Variants in LEKR1 observed in about 807,000 individuals in gnomAD.
LEKR1 encodes protein LEKR1.
Under a neutral mutation model 72.4 loss-of-function variants are expected in LEKR1, and 59 were observed. That is an observed-to-expected ratio of 0.82 (90% CI 0.66 to 1.01). LEKR1 has a LOEUF of 1.01. Among genes scored for constraint, LEKR1 ranks in the 50% least tolerant of loss-of-function variants. LEKR1 has a pLI of 0.00. For synonymous variants in LEKR1, 257 were observed against 263.2 expected, an observed-to-expected ratio of 0.98 and a Z score of 0.23; for missense variants, 728 against 759.2, an observed-to-expected ratio of 0.96 and a Z score of 0.48.
chr3:156,841,835 A>T (rs2108532572), intron 2 of LEKR1, among the ~76,000 whole-genome samples: 1 of 152,272 alleles, frequency 6.6e-6, no homozygotes, highest in African/African-American at 2.4e-5. Flanking sequence ...TGCGTGTGTT[A>T]TTCTATACAG....
chr3:157,024,803 A>C lies in LEKR1; in HGVS notation c.1247A>C (p.Glu416Ala). ...AAGGAAAGGGCCCAACACTTGGTTG[A>C]ATTTGAAGAGCAAGCTCTTCTCTTT... Reference protein sequence around the residue: ...LAKERAQHLVEFEEQALLFKE... With the variant: ...LAKERAQHLVAFEEQALLFKE... Residue 416 changes from glutamate to alanine, a missense_variant, in exon 11 of 13, where the codon GAA becomes GCA. Physicochemically the swap from Glu to Ala is moderately radical, Grantham distance 107 (BLOSUM62 -1). Transcript: ENST00000356539. 2 of 1,611,596 alleles carry C rather than the reference A, an allele frequency of 1.2e-6. No homozygotes were observed. The highest frequency in any genetic ancestry group is 1.7e-6 in the Non-Finnish European group (2 of 1,179,282).
intron 6 of LEKR1, among the ~76,000 whole-genome samples, chr3:156,959,382 G>A (rs1727915898): frequency 6.6e-6 from 1 of 152,032 alleles, no homozygotes. Context: ...TCAATTCTAA[G>A]CATTTGCATT....
intron 2 of LEKR1, among the ~76,000 whole-genome samples, chr3:156,833,033 C>T (rs1166709530): frequency 6.6e-6 from 1 of 152,126 alleles, no homozygotes; most frequent in Non-Finnish European, 1.5e-5. Context: ...GAAATATGCT[C>T]CAAAGTTTGC....
intron 6 of LEKR1, among the ~76,000 whole-genome samples, chr3:156,947,592 T>C (rs114887372): frequency 0.013 from 2,029 of 151,140 alleles, 40 homozygotes; most frequent in African/African-American, 0.046. Flanking sequence ...ATGCATTCAA[T>C]AGAAACCAGA....
At chr3:156,901,008 A>T (rs1721977952) in intron 3 of LEKR1, among the ~76,000 whole-genome samples, 2 of 152,132 alleles carry the variant, frequency 1.3e-5, no homozygotes, top group African/African-American at 4.8e-5. Context: ...AATTTTTTAA[A>T]GAGATGGGAT....
At chr3:156,950,648 T>C (rs1016161156) in intron 6 of LEKR1, among the ~76,000 whole-genome samples, 1 of 151,126 alleles carries the variant, frequency 6.6e-6, no homozygotes, top group African/African-American at 2.4e-5. Flanking sequence ...TGGGATTGTG[T>C]TCCTGATATG....
chr3:156,964,568 T>A lies in LEKR1; in HGVS notation c.746-14626T>A, dbSNP rs529938088. Among the ~76,000 whole-genome samples the A allele has an allele frequency of 7.9e-5, 12 of 152,290 alleles. No individual in the cohort carries two copies. In the South Asian group the frequency reaches 2.3e-3, roughly 29 times the overall value. The stretch of plus-strand genomic sequence containing the variant: ...ATTAATTCTTAAGAGTGCAGTTAGT[T>A]CAGAGTAGTTTTGTAGCATGAAAAG... On this transcript the variant is annotated intron_variant, in intron 6 of 12. Transcript: ENST00000356539.
intron 7 of LEKR1, among the ~76,000 whole-genome samples, chr3:156,986,764 G>A (rs1306940233): frequency 1.3e-5 from 2 of 152,156 alleles, no homozygotes; most frequent in Non-Finnish European, 2.9e-5. Flanking sequence ...GCTTCTTTGA[G>A]GAGTGCACAA....
intron 7 of LEKR1, among the ~76,000 whole-genome samples, chr3:156,988,999 T>C (rs1364186983): frequency 6.6e-6 from 1 of 151,962 alleles, no homozygotes; most frequent in Non-Finnish European, 1.5e-5. Context: ...ACCCGGCTAA[T>C]TTTTTGTATT....
intron 3 of LEKR1, among the ~76,000 whole-genome samples, chr3:156,879,200 A>G (rs1718984030): frequency 6.6e-6 from 1 of 152,206 alleles, no homozygotes; most frequent in South Asian, 2.1e-4. Context: ...GACTTGTTGA[A>G]TGGCTTTGAC....
chr3:157,011,116 A>T (rs1382268814), intron 9 of LEKR1, among the ~76,000 whole-genome samples: 1 of 152,156 alleles, frequency 6.6e-6, no homozygotes, highest in Non-Finnish European at 1.5e-5. Context: ...ATGAACAGCC[A>T]GAAGACATTT....
At chr3:156,902,872 TAC>T (rs1400994055) in intron 3 of LEKR1, among the ~76,000 whole-genome samples, 1 of 152,060 alleles carries the variant, frequency 6.6e-6, no homozygotes, top group Non-Finnish European at 1.5e-5. Context: ...CATTTAATTA[TAC>T]AGTTTAATAT....
intron 3 of LEKR1, among the ~76,000 whole-genome samples, chr3:156,909,889 A>AT (rs893024307): frequency 1.6e-4 from 25 of 151,846 alleles, no homozygotes; most frequent in African/African-American, 6.1e-4. Flanking sequence ...GCTTTTGCTA[A>AT]TTTTTAACAC....
At chr3:156,924,427 T>G (rs985298551) in intron 4 of LEKR1, 3 of 586,148 alleles carry the variant, frequency 5.1e-6, no homozygotes, top group Non-Finnish European at 9.1e-6. Flanking sequence ...CTTTTTATTT[T>G]CTTAATAATG....
rs189014749 is a variant in LEKR1, at chr3:156,917,906, G to T, written c.264-2669G>T. ...GAGCATAAACCAGACTATAGCAGGGGAATAGAAAGCTCCAGGAAGGCTACC... is the reference window on the plus strand; with the variant it reads ...GAGCATAAACCAGACTATAGCAGGGTAATAGAAAGCTCCAGGAAGGCTACC... On this transcript the variant is annotated intron_variant, in intron 3 of 12. Transcript: ENST00000356539. Among the ~76,000 whole-genome samples the T allele has an allele frequency of 2.8e-3, 429 of 152,186 alleles. 1 individual carries two copies. The highest frequency in any genetic ancestry group is 5.2e-3 in the Non-Finnish European group (352 of 67,986).
chr3:156,940,138 T>C (rs1198954877), intron 5 of LEKR1, among the ~76,000 whole-genome samples: 1 of 152,124 alleles, frequency 6.6e-6, no homozygotes, highest in Non-Finnish European at 1.5e-5. Context: ...CCTTTACTAA[T>C]TTATTAGGCA....
At chr3:157,000,223 A>C (rs754959248) in intron 9 of LEKR1, among the ~76,000 whole-genome samples, 1 of 152,194 alleles carries the variant, frequency 6.6e-6, no homozygotes, top group Non-Finnish European at 1.5e-5. Context: ...AATAAGAAGT[A>C]AAGCTATATC....
chr3:156,876,276 A>G (rs1356966071), intron 3 of LEKR1, among the ~76,000 whole-genome samples: 1 of 151,834 alleles, frequency 6.6e-6, no homozygotes, highest in Non-Finnish European at 1.5e-5. Context: ...ATGTCTTCAC[A>G]TTTTTTCTTT....
intron 3 of LEKR1, among the ~76,000 whole-genome samples, chr3:156,862,355 A>G (rs192023136): frequency 5.9e-5 from 9 of 152,172 alleles, no homozygotes; most frequent in Admixed American, 5.2e-4. Context: ...AATAATTTTT[A>G]TTGGCATAAA....
Sources: allele counts gnomAD v4.1 joint callset (sites outside exome capture counted in the v4.1 genomes callset), GRCh38; gene constraint gnomAD v4.1.1; transcripts MANE v1.5; gene names NCBI Gene and HGNC (gene_info 2026-07-23, HGNC 2026-07-21).